PEX5L: variants seen among roughly 807,000 people sequenced by gnomAD.
PEX5L encodes PEX5-related protein.
A neutral mutation model predicts 84.0 loss-of-function variants in PEX5L; 30 were observed. The ratio of observed to expected loss-of-function variants is 0.36; its 90% confidence interval spans 0.27 to 0.48. PEX5L has a LOEUF of 0.48. Ranked by LOEUF, PEX5L falls within the 20% of genes least tolerant of loss-of-function variation. The pLI is 0.99. For synonymous variants in PEX5L, 270 were observed against 283.1 expected, an observed-to-expected ratio of 0.95 and a Z score of 0.46; for missense variants, 533 against 754.6, an observed-to-expected ratio of 0.71 and a Z score of 3.44.
rs143735027 is a variant in PEX5L at position 179,994,180 on chromosome 3, A to G, written c.22-22515T>C. On this transcript the variant is annotated intron_variant, in intron 1 of 14. Coordinates refer to ENST00000467460, the MANE Select transcript of PEX5L (RefSeq NM_016559.3). The stretch of plus-strand genomic sequence containing the variant: ...TGCCAACTGCCACCCAAGGAAAGCT[A>G]TCACAAGCCGAGCCATTCCAGACCA... Among the ~76,000 whole-genome samples the G allele has an allele frequency of 6.1e-3, 927 of 152,346 alleles. 9 individuals are homozygous for G. The highest frequency in any genetic ancestry group is 0.021 in the African/African-American group (890 of 41,574).
chr3:179,847,212 A>G (rs1739819703), intron 8 of PEX5L, among the ~76,000 whole-genome samples: 2 of 151,982 alleles, frequency 1.3e-5, no homozygotes, highest in Admixed American at 1.3e-4. Context: ...ATATATGTGC[A>G]TATGTATTTA....
rs746171997 is a variant in PEX5L, at chr3:179,860,011, T to TTACAAAACATACCA, written c.727-855_727-854insTGGTATGTTTTGTA. Among the ~76,000 whole-genome samples, 597 of 152,328 alleles carry TTACAAAACATACCA rather than the reference T, an allele frequency of 3.9e-3. 1 individual carries two copies. Among genetic ancestry groups the TTACAAAACATACCA allele is most frequent in the Non-Finnish European group, 6.0e-3 (410 of 68,018 alleles). ...TACATAAACATTTAAACACATAATG[T>TTACAAAACATACCA]GTATTGTAATATGTACAGTAATATG... On this transcript the variant is annotated intron_variant, in intron 7 of 14. Coordinates refer to ENST00000467460, the MANE Select transcript of PEX5L (RefSeq NM_016559.3).
At chr3:179,968,879 A>T (rs1417200213) in intron 2 of PEX5L, among the ~76,000 whole-genome samples, 1 of 152,158 alleles carries the variant, frequency 6.6e-6, no homozygotes, top group Non-Finnish European at 1.5e-5. Flanking sequence ...TCTTTAAAGA[A>T]TAGAACCTTA....
chr3:180,016,226 G>C (rs950976106), intron 1 of PEX5L, among the ~76,000 whole-genome samples: 1 of 152,076 alleles, frequency 6.6e-6, no homozygotes, highest in Non-Finnish European at 1.5e-5. Context: ...CATGGGGAAG[G>C]ATGACTTTGA....
chr3:179,861,829 A>G (rs1202420572), intron 7 of PEX5L, among the ~76,000 whole-genome samples: 1 of 39,492 alleles, frequency 2.5e-5, no homozygotes, highest in Non-Finnish European at 4.7e-5. Context: ...TTGCAAAAGC[A>G]AAAGAACTTG....
intron 2 of PEX5L, among the ~76,000 whole-genome samples, chr3:179,936,173 A>C (rs1001576858): frequency 1.3e-5 from 2 of 152,212 alleles, no homozygotes; most frequent in Admixed American, 6.5e-5. Context: ...AGATGGGGAT[A>C]GGGTAGTGAG....
chr3:179,932,890 T>A (rs1179835390), intron 2 of PEX5L, among the ~76,000 whole-genome samples: 2 of 152,180 alleles, frequency 1.3e-5, no homozygotes, highest in East Asian at 3.9e-4. Context: ...ATCTACTCTC[T>A]TAGAGATTTT....
intron 1 of PEX5L, among the ~76,000 whole-genome samples, chr3:179,991,907 CA>C (rs990107628): frequency 6.6e-6 from 1 of 152,032 alleles, no homozygotes; most frequent in African/African-American, 2.4e-5. Context: ...TTATTTGATA[CA>C]AAAAAATCAA....
intron 7 of PEX5L, among the ~76,000 whole-genome samples, chr3:179,873,954 T>C (rs1228701186): frequency 2.0e-5 from 3 of 152,150 alleles, no homozygotes; most frequent in Admixed American, 6.5e-5. Flanking sequence ...TAGGTGTGAA[T>C]GAACACTCAA....
chr3:179,962,394 C>T (rs1388889680), intron 2 of PEX5L, among the ~76,000 whole-genome samples: 1 of 152,162 alleles, frequency 6.6e-6, no homozygotes, highest in African/African-American at 2.4e-5. Context: ...AGTCAAGTTA[C>T]CTTTTTACTC....
At chr3:179,841,789 T>C (rs1049538956) in intron 8 of PEX5L, among the ~76,000 whole-genome samples, 3 of 152,192 alleles carry the variant, frequency 2.0e-5, no homozygotes, top group Admixed American at 6.5e-5. Context: ...GATCAGAGAT[T>C]CCTATTTTGT....
At chr3:179,873,388 C>T (rs931971578) in intron 7 of PEX5L, among the ~76,000 whole-genome samples, 1 of 151,976 alleles carries the variant, frequency 6.6e-6, no homozygotes, top group East Asian at 1.9e-4. Context: ...CTTATTTTAT[C>T]ACACTTATTT....
At chr3:179,885,784 A>AT (rs1755666119) in intron 4 of PEX5L, among the ~76,000 whole-genome samples, 1 of 152,188 alleles carries the variant, frequency 6.6e-6, no homozygotes, top group South Asian at 2.1e-4. Context: ...AGAAATTAGA[A>AT]GAGAGGCCTG....
At position 179,801,395 on chromosome 3, in the gene PEX5L, C is replaced by T. The variant is rs1718815407; in HGVS notation, c.*433G>A. 1 of 180,136 alleles carries T rather than the reference C, an allele frequency of 5.6e-6. No individual in the cohort carries two copies. Among genetic ancestry groups the T allele is most frequent in the Non-Finnish European group, 1.2e-5 (1 of 83,230 alleles). The allele number at this position is 180,136 out of a possible 1,614,324, so 11.2% of individuals were successfully genotyped here. A position where few individuals can be genotyped will look rare whatever the true frequency, so the allele number is the denominator to read the frequency against. ...ACCAATGGCCCAAACTATGTTCAGT[C>T]TTGCAAAAGAAGACAGTTCAGAAAC... On this transcript the variant is annotated 3_prime_UTR_variant, in exon 15 of 15. Transcript: ENST00000467460.
chr3:179,815,735 TA>T, intron 10 of PEX5L, 125 bp downstream of exon 10: 2 of 997,842 alleles, frequency 2.0e-6, no homozygotes, highest in Non-Finnish European at 1.5e-6. Flanking sequence ...ACAAGTAGAC[TA>T]AGCTAGGTTA....
chr3:180,027,714 T>C (rs1791096178), intron 1 of PEX5L, among the ~76,000 whole-genome samples: 1 of 152,226 alleles, frequency 6.6e-6, no homozygotes, highest in Non-Finnish European at 1.5e-5. Flanking sequence ...AAGGGTGTCC[T>C]TATAGCAATT....
Position 179,819,894 on chromosome 3 carries a change from G to C in PEX5L, c.905C>G (p.Ala302Gly). ...AGCCGAGATGGTTACTTGGTTCTGG[G>C]CTTCTTGGTTCTCAGATATCCAGTT... is the stretch of plus-strand genomic sequence containing the variant. ...RRNWISENQE[A>G]QNQVTISASE... The change falls in exon 9 of 15, where the codon GCC becomes GGC. Residue 302 changes from alanine (A) to glycine (G), a missense_variant. By Grantham distance (60) the Ala-to-Gly change is moderately conservative (BLOSUM62 0). Around this residue, in one of 8 missense-constraint regions of PEX5L, gnomAD observed 58 missense variants for 56.4 expected, o/e 1.03. Coordinates refer to ENST00000467460, the MANE Select transcript of PEX5L (RefSeq NM_016559.3). 6.2e-7 allele frequency: 1 copy of C among 1,614,042 alleles called. No homozygotes were observed. The highest frequency in any genetic ancestry group is 8.5e-7 in the Non-Finnish European group (1 of 1,179,980).
intron 1 of PEX5L, among the ~76,000 whole-genome samples, chr3:180,014,629 C>T (rs1006296193): frequency 6.6e-6 from 1 of 151,904 alleles, no homozygotes; most frequent in Admixed American, 6.6e-5. Context: ...AAATAAACCA[C>T]GGAAAGTAGT....
chr3:179,924,405 G>A (rs575860178), intron 2 of PEX5L, among the ~76,000 whole-genome samples: 1 of 152,308 alleles, frequency 6.6e-6, no homozygotes, highest in East Asian at 1.9e-4. Context: ...GTCCCTGGGA[G>A]AGGATTGATG....
Sources: allele counts gnomAD v4.1 joint callset (sites outside exome capture counted in the v4.1 genomes callset), GRCh38; gene constraint gnomAD v4.1.1; regional missense constraint gnomAD v4.1.1; transcripts MANE v1.5; gene names NCBI Gene and HGNC (gene_info 2026-07-23, HGNC 2026-07-21).